FAM81B: variants seen among roughly 807,000 people sequenced by gnomAD.
FAM81B encodes the protein protein FAM81B.
In FAM81B, 60 loss-of-function variants were observed where a neutral mutation model predicts 58.7. The observed-to-expected ratio is 1.02, with a 90% CI of 0.83 to 1.27. The LOEUF is 1.27. FAM81B is among the 50% of genes most tolerant of loss of function. FAM81B has a pLI of 0.00. For missense variants in FAM81B, 491 were observed against 522.0 expected, an observed-to-expected ratio of 0.94 and a Z score of 0.58; for synonymous variants, 189 against 179.6, an observed-to-expected ratio of 1.05 and a Z score of -0.42.
chr5:95,418,701 TC>T (rs1403937839), intron 4 of FAM81B, among the ~76,000 whole-genome samples: 1 of 152,014 alleles, frequency 6.6e-6, no homozygotes, highest in African/African-American at 2.4e-5. Context: ...TTAGAACGTA[TC>T]CCCCTTGGAT....
chr5:95,426,094 G>GTATATATATATATATATA lies in FAM81B; in HGVS notation c.657-2497_657-2480dup, dbSNP rs57076025. 1.2e-3 allele frequency among the ~76,000 whole-genome samples: 148 copies of GTATATATATATATATATA among 120,130 alleles called. 1 individual carries two copies. The highest frequency in any genetic ancestry group is 3.3e-3 in the African/African-American group (102 of 30,596). 78.8% of individuals were successfully genotyped at this position (120,130 alleles called of 152,430 possible). On this transcript the variant is annotated intron_variant, in intron 5 of 9. Transcript: ENST00000283357. Reference sequence around the variant, plus strand: ...TTATGTTTTCTTCCTATCTCTGTGTGTATATATATATATATATATATATAT... The same window carrying GTATATATATATATATATA: ...TTATGTTTTCTTCCTATCTCTGTGTGTATATATATATATATATATATATATATATATATATATATATAT...
intron 3 of FAM81B, among the ~76,000 whole-genome samples, chr5:95,404,211 A>G (rs1038001417): frequency 2.0e-5 from 3 of 152,182 alleles, no homozygotes; most frequent in Admixed American, 6.5e-5. Flanking sequence ...AGAGCCTGGC[A>G]TCTTCTTCCC....
rs1762650008 is a variant in FAM81B, at chr5:95,420,490, A to G, written c.656+88A>G. 6.4e-6 allele frequency: 10 copies of G among 1,562,748 alleles called. No individual in the cohort carries two copies. The South Asian group carries it at 1.1e-4, about 18-fold the overall frequency. ...TAAACAAGCTCCATGCTGTGGAAAAAAGATATTGTCTACACATTAAGCTAA... is the reference window on the plus strand; with the variant it reads ...TAAACAAGCTCCATGCTGTGGAAAAGAGATATTGTCTACACATTAAGCTAA... On this transcript the variant is annotated intron_variant, in intron 5 of 9. Coordinates refer to ENST00000283357, the MANE Select transcript of FAM81B (RefSeq NM_152548.3).
intron 9 of FAM81B, chr5:95,448,777 A>T: frequency 2.2e-6 from 1 of 461,666 alleles, no homozygotes; most frequent in Admixed American, 2.5e-5. Context: ...CCTTGGACAT[A>T]CCCAAGACGT....
chr5:95,414,048 C>G lies in FAM81B; in HGVS notation c.395C>G (p.Ala132Gly), dbSNP rs373042384. The change falls in exon 4 of 10, where the codon GCC (alanine) becomes GGC (glycine). Residue 132 changes from alanine (A) to glycine (G), a missense_variant. Coordinates refer to ENST00000283357, the MANE Select transcript of FAM81B (RefSeq NM_152548.3). ...ARTIAFLLEQ[A>G]FRIKEDISAC... ...ACCATAGCTTTCCTTCTTGAACAAG[C>G]CTTCCGCATCAAGGAGGACATCTCT... 6.8e-6 allele frequency: 11 copies of G among 1,613,964 alleles called. No homozygotes were observed. Among genetic ancestry groups the G allele is most frequent in the African/African-American group, 2.7e-5 (2 of 74,896 alleles).
At chr5:95,419,248 C>T (rs1290644090) in intron 4 of FAM81B, among the ~76,000 whole-genome samples, 1 of 152,132 alleles carries the variant, frequency 6.6e-6, no homozygotes, top group African/African-American at 2.4e-5. Flanking sequence ...TGTCTGTGGT[C>T]TTTGAAATTC....
chr5:95,422,044 A>T (rs1285255116), intron 5 of FAM81B, among the ~76,000 whole-genome samples: 1 of 152,172 alleles, frequency 6.6e-6, no homozygotes, highest in Non-Finnish European at 1.5e-5. Flanking sequence ...ATTAGCTGGA[A>T]TGGGCATGGA....
chr5:95,441,747 G>A (rs1433827939), intron 7 of FAM81B, among the ~76,000 whole-genome samples: 2 of 152,098 alleles, frequency 1.3e-5, no homozygotes, highest in African/African-American at 4.8e-5. Context: ...TGGGATTTGG[G>A]CACTGATCTC....
intron 5 of FAM81B, among the ~76,000 whole-genome samples, 165 bp downstream of exon 5, chr5:95,420,567 C>T (rs564577258): frequency 9.2e-5 from 14 of 152,328 alleles, no homozygotes; most frequent in East Asian, 3.9e-4. Context: ...CAATGCCTCA[C>T]GCTAGCGGTG....
At chr5:95,446,951 TAAAAA>T (rs562369898) in intron 8 of FAM81B, among the ~76,000 whole-genome samples, 1 of 144,872 alleles carries the variant, frequency 6.9e-6, no homozygotes, top group East Asian at 2.0e-4. Flanking sequence ...TTTTTTTTTT[TAAAAA>T]AAAAAAAATA....
At chr5:95,443,822 T>C (rs1298680095) in intron 7 of FAM81B, among the ~76,000 whole-genome samples, 2 of 152,350 alleles carry the variant, frequency 1.3e-5, no homozygotes, top group Non-Finnish European at 2.9e-5. Context: ...TAATTCATTC[T>C]TTATGGCTTT....
At chr5:95,397,059 C>T (rs902856962) in intron 3 of FAM81B, 3 of 152,276 alleles carry the variant, frequency 2.0e-5, no homozygotes, top group East Asian at 1.9e-4. Context: ...CCTTGAACTT[C>T]GATTTTTTAA....
At chr5:95,446,872 T>C (rs952790456) in intron 8 of FAM81B, among the ~76,000 whole-genome samples, 175 bp downstream of exon 8, 4 of 151,556 alleles carry the variant, frequency 2.6e-5, no homozygotes, top group Non-Finnish European at 5.9e-5. Flanking sequence ...TCCTGTTTGC[T>C]ACTCCCCAAC....
chr5:95,396,238 C>G (rs534684550), intron 3 of FAM81B, 63 bp downstream of exon 3: 1 of 1,289,250 alleles, frequency 7.8e-7, no homozygotes, highest in African/African-American at 1.5e-5. Flanking sequence ...AAATCTCACA[C>G]GCAAAAAAGA....
chr5:95,414,002 A>C lies in FAM81B; in HGVS notation c.349A>C (p.Arg117=). The part of the protein sequence containing the change: ...PNTQRGQLED[R]LNNQARTIAF... ...CACCCAGAGAGGTCAGCTAGAAGACAGACTGAACAACCAGGCGCGTACCAT... is the reference window on the plus strand; with the variant it reads ...CACCCAGAGAGGTCAGCTAGAAGACCGACTGAACAACCAGGCGCGTACCAT... The change falls in exon 4 of 10, where the codon AGA becomes CGA. Residue 117 remains arginine (R), a synonymous_variant. Coordinates refer to ENST00000283357, the MANE Select transcript of FAM81B (RefSeq NM_152548.3). The C allele has an allele frequency of 6.2e-7, 1 of 1,614,094 alleles. No individual in the cohort carries two copies. The highest frequency in any genetic ancestry group is 8.5e-7 in the Non-Finnish European group (1 of 1,179,982).
chr5:95,398,225 C>T (rs1041130131), intron 3 of FAM81B, among the ~76,000 whole-genome samples: 2 of 152,072 alleles, frequency 1.3e-5, no homozygotes, highest in Non-Finnish European at 2.9e-5. Flanking sequence ...TGAAGACCAG[C>T]CTAGCCAACA....
In FAM81B at chr5:95,446,705, G is replaced by A. The variant is rs755662173; in HGVS notation, c.1029+8G>A. On this transcript the variant is annotated splice_region_variant and intron_variant, in intron 8 of 9. Transcript: ENST00000283357. ...GTCCTACAGGAGAAACTGGTGAGGA[G>A]TTCTGTTATTTTGTGAAGCAAGCAC... 34 of 1,609,918 alleles carry A rather than the reference G, an allele frequency of 2.1e-5. No homozygotes were observed. Among genetic ancestry groups the A allele is most frequent in the Non-Finnish European group, 2.9e-5 (34 of 1,178,908 alleles).
At chr5:95,399,142 A>G (rs902924588) in intron 3 of FAM81B, among the ~76,000 whole-genome samples, 1 of 152,236 alleles carries the variant, frequency 6.6e-6, no homozygotes, top group African/African-American at 2.4e-5. Context: ...ACAGCCAAAG[A>G]ATGATATTTA....
At chr5:95,438,404 G>A (rs1745187846) in intron 7 of FAM81B, among the ~76,000 whole-genome samples, 1 of 152,228 alleles carries the variant, frequency 6.6e-6, no homozygotes, top group Non-Finnish European at 1.5e-5. Context: ...AACTGAAATG[G>A]AAGGCTGACT....
Sources: allele counts gnomAD v4.1 joint callset (sites outside exome capture counted in the v4.1 genomes callset), GRCh38; gene constraint gnomAD v4.1.1; transcripts MANE v1.5; gene names NCBI Gene and HGNC (gene_info 2026-07-23, HGNC 2026-07-21).